DMXL1: variants seen among roughly 807,000 people sequenced by gnomAD.
DMXL1 encodes the protein Dmx like 1.
Under a neutral mutation model 319.2 loss-of-function variants are expected in DMXL1, and 99 were observed. The ratio of observed to expected loss-of-function variants is 0.31; its 90% CI spans 0.26 to 0.37. The LOEUF (loss-of-function observed/expected upper bound fraction) is 0.37, where lower values mean the gene tolerates loss of function less well. Among genes scored for constraint, DMXL1 ranks in the 10% least tolerant of loss-of-function variants. The probability of loss-of-function intolerance (pLI) is 1.00; values close to 1 mark genes in which losing one functional copy is unlikely to be tolerated. For missense variants in DMXL1, 3,745 were observed against 3,595.6 expected (o/e 1.04, Z -1.06); for synonymous variants, 1,385 against 1,235.2 (o/e 1.12, Z -2.54).
Position 119,166,613 on chromosome 5 carries a change from T to C in DMXL1, c.4971-3T>C. ...TTTTCACACCATTTTTTTTCCTTTA[T>C]AGAGCTGAAAAAAACACCAGGATGA... On this transcript the variant is annotated splice_region_variant and splice_polypyrimidine_tract_variant and intron_variant, in intron 21 of 43. Transcript: ENST00000539542. The C allele has an allele frequency of 6.2e-7, 1 of 1,600,526 alleles. No individual in the cohort carries two copies. The highest frequency in any genetic ancestry group is 8.5e-7 in the Non-Finnish European group (1 of 1,176,438).
intron 6 of DMXL1, among the ~76,000 whole-genome samples, chr5:119,115,843 G>A (rs993155882): frequency 6.6e-6 from 1 of 151,584 alleles, no homozygotes; most frequent in African/African-American, 2.4e-5. Context: ...TTTAATATTT[G>A]GCTTACTGGA....
At chr5:119,106,772 C>T (rs1429444651) in intron 4 of DMXL1, among the ~76,000 whole-genome samples, 1 of 152,102 alleles carries the variant, frequency 6.6e-6, no homozygotes, top group Non-Finnish European at 1.5e-5. Context: ...GAACTTATTT[C>T]AATGCCTTTT....
chr5:119,233,574 A>G, intron 39 of DMXL1, 107 bp downstream of exon 39: 1 of 799,180 alleles, frequency 1.3e-6, no homozygotes, highest in Non-Finnish European at 2.0e-6. Context: ...GTAGTAAAGT[A>G]TTGATCTATA....
rs774885940 is a variant in DMXL1 at position 119,197,936 on chromosome 5, A to C, written c.7725A>C (p.Glu2575Asp). 1 of 1,614,096 alleles carries C rather than the reference A, an allele frequency of 6.2e-7. No homozygotes were observed. The highest frequency in any genetic ancestry group is 8.5e-7 in the Non-Finnish European group (1 of 1,180,006). Reference protein sequence around the residue: ...PAILRHKALLEPTNTPFKSKH... With the variant: ...PAILRHKALLDPTNTPFKSKH... ...TTCTTCGCCACAAAGCTTTACTGGA[A>C]CCTACAAACACTCCTTTCAAGTAGG... Residue 2575 changes from glutamate to aspartate, a missense_variant, in exon 32 of 44, where the codon GAA (glutamate) becomes GAC (aspartate). Transcript: ENST00000539542.
At chr5:119,156,752 C>T (rs75335223) in intron 19 of DMXL1, among the ~76,000 whole-genome samples, 2,107 of 151,536 alleles carry the variant, frequency 0.014, 48 homozygotes, top group African/African-American at 0.048. Context: ...ACCTTCATAC[C>T]CTCTTCCATA....
At chr5:119,142,612 G>A (rs1473932676) in intron 13 of DMXL1, among the ~76,000 whole-genome samples, 1 of 151,460 alleles carries the variant, frequency 6.6e-6, no homozygotes, top group East Asian at 1.9e-4. Flanking sequence ...TTCAACCGTT[G>A]TGGAAAGCAG....
At chr5:119,146,691 T>C in intron 15 of DMXL1, 146 bp from the exon 16 acceptor site, 1 of 655,780 alleles carries the variant, frequency 1.5e-6, no homozygotes, top group Non-Finnish European at 2.4e-6. Context: ...GATTTGAATA[T>C]ATTTTATAAT....
chr5:119,213,862 G>A (rs561038987), intron 34 of DMXL1, among the ~76,000 whole-genome samples: 49 of 152,096 alleles, frequency 3.2e-4, no homozygotes, highest in South Asian at 1.7e-3. Context: ...TAATCATTTG[G>A]TAGTGTTGAC....
chr5:119,154,767 T>C (rs1581054685), intron 19 of DMXL1: 1 of 152,762 alleles, frequency 6.5e-6, no homozygotes, highest in East Asian at 1.9e-4. Context: ...TTAAAGTACA[T>C]GGAACAGCCT....
At chr5:119,232,251 G>T (rs774297051) in intron 38 of DMXL1, among the ~76,000 whole-genome samples, 1 of 152,134 alleles carries the variant, frequency 6.6e-6, no homozygotes, top group Non-Finnish European at 1.5e-5. Context: ...TTGGGGGAAA[G>T]GGAGTAGAGC....
chr5:119,199,822 AATG>A (rs1259604967), intron 32 of DMXL1, among the ~76,000 whole-genome samples: 1 of 152,122 alleles, frequency 6.6e-6, no homozygotes, highest in Non-Finnish European at 1.5e-5. Flanking sequence ...GCTTTTCTCA[AATG>A]ATCAGTTATA....
intron 1 of DMXL1, among the ~76,000 whole-genome samples, chr5:119,080,598 T>A (rs944356746): frequency 3.3e-5 from 5 of 152,214 alleles, no homozygotes; most frequent in Admixed American, 6.5e-5. Context: ...TTTTAATATA[T>A]TTCCACTTGT....
At chr5:119,104,733 T>A (rs891201890) in intron 3 of DMXL1, among the ~76,000 whole-genome samples, 1 of 152,196 alleles carries the variant, frequency 6.6e-6, no homozygotes, top group Non-Finnish European at 1.5e-5. Flanking sequence ...CTTTAAGAAG[T>A]TGTAAGGCCA....
In DMXL1 at chr5:119,149,997, C is replaced by G. The variant is rs1326906240; in HGVS notation, c.4170C>G (p.Asn1390Lys). 3 of 1,613,816 alleles carry G rather than the reference C, an allele frequency of 1.9e-6. No homozygotes were observed. The highest frequency in any genetic ancestry group is 2.5e-6 in the Non-Finnish European group (3 of 1,179,920). ...GSTTRDPQAF[N>K]KAENTDYTEI... ...CTACCAGAGACCCCCAGGCATTCAA[C>G]AAGGCTGAAAATACAGATTACACAG... Residue 1390 changes from asparagine to lysine, a missense_variant, in exon 18 of 44, where the codon AAC becomes AAG. Transcript: ENST00000539542.
At position 119,134,174 on chromosome 5, in the gene DMXL1, T is replaced by C. The variant is rs751366099; in HGVS notation, c.2250T>C (p.Cys750=). The C allele has an allele frequency of 6.8e-6, 11 of 1,611,554 alleles. No homozygotes were observed. The East Asian group carries it at 2.2e-4, about 33-fold the overall frequency. The change falls in exon 12 of 44, where the codon TGT becomes TGC. Residue 750 remains cysteine (C), a synonymous_variant. Transcript: ENST00000539542. ...AWLPTLIPSY[C]LGAYCNSPSA... ...TGCCCACTCTTATACCCAGTTATTGTCTGGGTAAGTATTCTGGTTTTTATT... is the reference window on the plus strand; with the variant it reads ...TGCCCACTCTTATACCCAGTTATTGCCTGGGTAAGTATTCTGGTTTTTATT...
In DMXL1 at chr5:119,133,687, T is replaced by C. The variant is rs778072403; in HGVS notation, c.1763T>C (p.Leu588Ser). 1.2e-6 allele frequency: 2 copies of C among 1,614,224 alleles called. No homozygotes were observed. The highest frequency in any genetic ancestry group is 1.7e-5 in the Admixed American group (1 of 60,032). ...SSGHNKSSNS[L>S]KLSIFTPNVM... ...GGTCACAATAAATCATCTAATAGTT[T>C]AAAATTAAGTATTTTTACGCCTAAT... Residue 588 changes from leucine (L) to serine (S), a missense_variant, in exon 12 of 44, where the codon TTA becomes TCA. This residue lies in a region of DMXL1 where 2,096 missense variants were observed against 1,985.4 expected (regional missense o/e 1.06). Coordinates refer to ENST00000539542, the MANE Select transcript of DMXL1 (RefSeq NM_001290321.3).
intron 43 of DMXL1, 25 bp downstream of exon 43, chr5:119,244,601 T>A (rs1424724460): frequency 6.4e-7 from 1 of 1,565,376 alleles, no homozygotes; most frequent in Non-Finnish European, 8.8e-7. Context: ...TGCCACAACA[T>A]CTACAAAATG....
In DMXL1 at chr5:119,111,728, GT is replaced by G. The variant is rs1361822912; in HGVS notation, c.497+1446del. On this transcript the variant is annotated intron_variant, in intron 5 of 43. Transcript: ENST00000539542. The stretch of plus-strand genomic sequence containing the variant: ...GTTTTGGGCAAATGCGTTTTTAAAA[GT>G]AGGCCTTAAATTAGTTAGAAAAGAA... Among the ~76,000 whole-genome samples, 3 of 152,180 alleles carry G rather than the reference GT, an allele frequency of 2.0e-5. No individual in the cohort carries two copies. The East Asian group carries it at 5.8e-4, about 29-fold the overall frequency.
intron 37 of DMXL1, 30 bp downstream of exon 37, chr5:119,221,111 A>G: frequency 6.6e-7 from 1 of 1,518,564 alleles, no homozygotes; most frequent in Non-Finnish European, 8.9e-7. Flanking sequence ...AATTTAAGTT[A>G]TATGTAACTT....
Sources: allele counts gnomAD v4.1 joint callset (sites outside exome capture counted in the v4.1 genomes callset), GRCh38; gene constraint gnomAD v4.1.1; regional missense constraint gnomAD v4.1.1; transcripts MANE v1.5; gene names NCBI Gene and HGNC (gene_info 2026-07-23, HGNC 2026-07-21).